The following NBPF9 variants were observed in gnomAD, a reference collection of about 807,000 sequenced individuals.
The protein encoded by NBPF9 is NBPF family member NBPF9.
NBPF9 carries 91 observed loss-of-function variants against 97.8 expected under a neutral mutation model. That is an observed-to-expected ratio of 0.93 (90% confidence interval 0.79 to 1.11). The LOEUF (loss-of-function observed/expected upper bound fraction) is 1.11. NBPF9 is among the 50% of genes least tolerant of loss of function. The pLI, the probability that NBPF9 is intolerant of heterozygous loss-of-function variation, is 0.00. For missense variants in NBPF9, 992 were observed against 939.5 expected (o/e 1.06, Z -0.73); for synonymous variants, 334 against 359.5 (o/e 0.93, Z 0.80).
rs587678398 is a variant in NBPF9, at chr1:149,080,021, C to T, written c.278+32G>A. 2.9e-5 allele frequency: 45 copies of T among 1,572,758 alleles called. No homozygotes were observed. The South Asian group carries it at 3.8e-4, about 13-fold the overall frequency. ...TGTACTTCAGAGATCTACACACCTA[C>T]CCGCCTGCCTCCCCCCACGGGGTCC... is the stretch of plus-strand genomic sequence containing the variant. On this transcript the variant is annotated intron_variant, in intron 8 of 29. Transcript: ENST00000584027.
At chr1:149,070,825 C>A (rs1190662889) in intron 16 of NBPF9, 109 bp downstream of exon 16, 10 of 1,462,648 alleles carry the variant, frequency 6.8e-6, no homozygotes, top group Non-Finnish European at 9.5e-6. Flanking sequence ...TGTTTAGAAA[C>A]CCATCACAGT....
At chr1:149,059,470 C>A in intron 25 of NBPF9, 1 of 399,938 alleles carries the variant, frequency 2.5e-6, no homozygotes, top group Non-Finnish European at 4.5e-6. Flanking sequence ...ATGCAGTGGC[C>A]ATGAAAGTAC....
Position 149,073,956 on chromosome 1 carries a change from C to T in NBPF9, c.989-86G>A. The T allele has an allele frequency of 3.6e-6, 3 of 844,922 alleles. 1 individual carries two copies. Among genetic ancestry groups the T allele is most frequent in the Non-Finnish European group, 5.8e-6 (3 of 513,730 alleles). 52.3% of individuals were successfully genotyped at this position (844,922 alleles called of 1,614,324 possible). On this transcript the variant is annotated intron_variant, in intron 12 of 29. Transcript: ENST00000584027. The stretch of plus-strand genomic sequence containing the variant: ...CCTACAGGGCAGGAGCCAGGTCCAT[C>T]CCAAGGACAAAACTCTCCCCAGTAC...
chr1:149,084,576 G>C (rs9441128), intron 5 of NBPF9, among the ~76,000 whole-genome samples: 12 of 150,412 alleles, frequency 8.0e-5, no homozygotes, highest in African/African-American at 2.9e-4. Flanking sequence ...AGCGACCAGA[G>C]GAGCCCCTGC....
chr1:149,067,304 G>GTATATA (rs1466517505), intron 17 of NBPF9, among the ~76,000 whole-genome samples: 1 of 105,634 alleles, frequency 9.5e-6, no homozygotes, highest in Non-Finnish European at 1.9e-5. Flanking sequence ...GTGTGTATGT[G>GTATATA]TATATATATA....
At chr1:149,085,970 C>T in intron 5 of NBPF9, among the ~76,000 whole-genome samples, 1 of 151,408 alleles carries the variant, frequency 6.6e-6, no homozygotes. Flanking sequence ...GGTCCGTTTG[C>T]ATTTTTAACC....
intron 12 of NBPF9, among the ~76,000 whole-genome samples, chr1:149,075,134 C>T (rs1396536131): frequency 2.0e-5 from 3 of 151,438 alleles, no homozygotes; most frequent in African/African-American, 7.3e-5. Context: ...TTGATGCTGT[C>T]ATTTATAGAC....
At position 149,062,826 on chromosome 1, in the gene NBPF9, A is replaced by G. The variant is rs1553650461; in HGVS notation, c.2078+36T>C. On this transcript the variant is annotated intron_variant, in intron 21 of 29. Transcript: ENST00000584027. ...CTGGACCTGGCATCTCCAGGTGTCAACACAGAATTAAGCATCCATAATTGC... is the reference window on the plus strand; with the variant it reads ...CTGGACCTGGCATCTCCAGGTGTCAGCACAGAATTAAGCATCCATAATTGC... 5 of 673,060 alleles carry G rather than the reference A, an allele frequency of 7.4e-6. No individual in the cohort carries two copies. The East Asian group carries it at 1.1e-4, about 14-fold the overall frequency. 41.7% of individuals were successfully genotyped at this position (673,060 alleles called of 1,614,324 possible). A position where few individuals can be genotyped will look rare whatever the true frequency, so the allele number is the denominator to read the frequency against.
Position 149,054,266 on chromosome 1 carries a change from G to C in NBPF9, c.*1390C>G, listed in dbSNP as rs2078071009. The C allele has an allele frequency of 1.7e-5, 2 of 115,154 alleles. 1 individual carries two copies. Among genetic ancestry groups the C allele is most frequent in the South Asian group, 6.4e-4 (2 of 3,140 alleles). 7.1% of individuals were successfully genotyped at this position (115,154 alleles called of 1,614,324 possible). A position where few individuals can be genotyped will look rare whatever the true frequency, so the allele number is the denominator to read the frequency against. On this transcript the variant is annotated 3_prime_UTR_variant, in exon 30 of 30. Coordinates refer to ENST00000584027, the Ensembl canonical transcript of NBPF9. Reference sequence around the variant, plus strand: ...TAAAAACAAAGGCACAGTAAAAATTGAGACCCAAAATTTCCAGCGTAGAGA... The same window carrying C: ...TAAAAACAAAGGCACAGTAAAAATTCAGACCCAAAATTTCCAGCGTAGAGA...
intron 5 of NBPF9, among the ~76,000 whole-genome samples, chr1:149,085,576 T>C (rs1202160880): frequency 6.6e-6 from 1 of 152,204 alleles, no homozygotes; most frequent in South Asian, 2.1e-4. Context: ...ATGAACATTA[T>C]ATATATTTAT....
chr1:149,092,474 GA>G (rs1232851000), intron 4 of NBPF9, among the ~76,000 whole-genome samples: 1 of 125,894 alleles, frequency 7.9e-6, no homozygotes, highest in Admixed American at 8.5e-5. Context: ...AGTGAACCTG[GA>G]AAAATAGCTT....
In NBPF9 at chr1:149,087,461, A is replaced by T. The variant is rs587672349; in HGVS notation, c.-195+3292T>A. 3.0e-3 allele frequency among the ~76,000 whole-genome samples: 430 copies of T among 143,164 alleles called. 1 individual carries two copies. The highest frequency in any genetic ancestry group is 0.01 in the African/African-American group (388 of 38,778). The allele number at this position is 143,164 out of a possible 152,430, so 93.9% of individuals were successfully genotyped here. A position where few individuals can be genotyped will look rare whatever the true frequency, so the allele number is the denominator to read the frequency against. On this transcript the variant is annotated intron_variant, in intron 5 of 29. Transcript: ENST00000584027. ...CTTCTCTTCCACTGATATATATTCC[A>T]TTTTTTTTTTCAACAAAACACATAA...
chr1:149,072,653 T>C (rs1202092831), intron 14 of NBPF9, 65 bp downstream of exon 14: 9 of 1,535,816 alleles, frequency 5.9e-6, no homozygotes, highest in East Asian at 2.2e-5. Flanking sequence ...ATTGTGAAAG[T>C]ATGGAGGTCT....
rs368914584 is a variant in NBPF9, at chr1:149,072,915, A to G, written c.1109T>C (p.Val370Ala). The G allele has an allele frequency of 2.9e-4, 467 of 1,607,078 alleles. 2 individuals carry two copies. The African/African-American group carries it at 5.6e-3, about 19-fold the overall frequency. ...GGTCAGCTCTCGTTCCTGAGCGTGA[A>G]CCAGGACTTTATATTGCCTAAGGTG... is the stretch of plus-strand genomic sequence containing the variant. Residue 370 changes from valine (V) to alanine (A), a missense_variant, in exon 14 of 30, where the codon GTT becomes GCT. Val to Ala is a moderately conservative substitution (Grantham distance 64, BLOSUM62 0). Transcript: ENST00000584027.
intron 3 of NBPF9, among the ~76,000 whole-genome samples, chr1:149,099,055 G>A (rs1295372228): frequency 6.7e-6 from 1 of 148,252 alleles, no homozygotes; most frequent in Non-Finnish European, 1.5e-5. Context: ...CCAGCCTGGG[G>A]GAAAAAAAAA....
chr1:149,080,084 C>T lies in NBPF9; in HGVS notation c.247G>A (p.Ala83Thr), dbSNP rs1263098133. 3.5e-5 allele frequency: 54 copies of T among 1,524,366 alleles called. No individual in the cohort carries two copies. The East Asian group carries it at 1.2e-3, about 33-fold the overall frequency. 94.4% of individuals were successfully genotyped at this position (1,524,366 alleles called of 1,614,324 possible). Residue 83 changes from alanine to threonine, a missense_variant, in exon 8 of 30, where the codon GCA becomes ACA. By Grantham distance (58) the Ala-to-Thr change is moderately conservative. Coordinates refer to ENST00000584027, the Ensembl canonical transcript of NBPF9. ...TCCTCAGCTTGCTTCAGCTGCTCTG[C>T]AAGCTTCTCCTCCTTGAACTGTCGC... is the stretch of plus-strand genomic sequence containing the variant.
Position 149,070,178 on chromosome 1 carries a change from A to C in NBPF9, c.1586-533T>G, listed in dbSNP as rs587620670. ...TCTACTAAAAATACAAAAATTAGCC[A>C]GATGTGATGTTGTGCACCTGTGGTC... is the stretch of plus-strand genomic sequence containing the variant. On this transcript the variant is annotated intron_variant, in intron 16 of 29. Coordinates refer to ENST00000584027, the Ensembl canonical transcript of NBPF9. Among the ~76,000 whole-genome samples, 60 of 150,732 alleles carry C rather than the reference A, an allele frequency of 4.0e-4. 1 individual carries two copies. The South Asian group carries it at 4.4e-3, about 11-fold the overall frequency.
chr1:149,101,685 A>G (rs1402260737), intron 2 of NBPF9, among the ~76,000 whole-genome samples: 1 of 151,268 alleles, frequency 6.6e-6, no homozygotes, highest in African/African-American at 2.4e-5. Context: ...CTGCACCCCT[A>G]CTAGAATGGC....
At chr1:149,101,672 T>A in intron 2 of NBPF9, among the ~76,000 whole-genome samples, 1 of 150,602 alleles carries the variant, frequency 6.6e-6, no homozygotes, top group East Asian at 2.0e-4. Context: ...CACTGATACA[T>A]TACTGCACCC....
Sources: allele counts gnomAD v4.1 joint callset (sites outside exome capture counted in the v4.1 genomes callset), GRCh38; gene constraint gnomAD v4.1.1; transcripts MANE v1.5; gene names NCBI Gene and HGNC (gene_info 2026-07-23, HGNC 2026-07-21).